Variants in RNF19A observed in about 807,000 individuals in gnomAD.
The protein encoded by RNF19A is E3 ubiquitin-protein ligase RNF19A.
Under a neutral mutation model 75.7 loss-of-function variants are expected in RNF19A, and 32 were observed. That is an observed-to-expected ratio of 0.42 (90% CI 0.32 to 0.57). The LOEUF (loss-of-function observed/expected upper bound fraction) is 0.57, where lower values mean the gene tolerates loss of function less well. RNF19A is among the 20% of genes least tolerant of loss of function. RNF19A has a pLI of 0.10. For missense variants in RNF19A, 782 were observed against 1,036.3 expected (o/e 0.75, Z 3.37); for synonymous variants, 335 against 345.2 (o/e 0.97, Z 0.33).
intron 3 of RNF19A, 39 bp from the exon 4 acceptor site, chr8:100,270,052 C>T: frequency 1.4e-6 from 2 of 1,459,946 alleles, no homozygotes; most frequent in Non-Finnish European, 9.1e-7. Flanking sequence ...GTACATAAAA[C>T]TGGTCTAAAA....
rs916883856 is a variant in RNF19A, at chr8:100,329,900, A to C, written c.-243+6208T>G. 1.3e-5 allele frequency among the ~76,000 whole-genome samples: 2 copies of C among 152,260 alleles called. No individual in the cohort carries two copies. The highest frequency in any genetic ancestry group is 4.8e-5 in the African/African-American group (2 of 41,466). ...AAATATTTTCTCATGTATCCCATAC[A>C]TTTGCACAAATGAAAAATTTAAATA... On this transcript the variant is annotated intron_variant, in intron 1 of 3. Transcript: ENST00000519527. The surrounding 1 kb of genome is among the most constrained non-coding windows in gnomAD (Gnocchi z 4.3).
At chr8:100,326,310 C>G (rs1822532947) in intron 1 of RNF19A, among the ~76,000 whole-genome samples, 1 of 152,084 alleles carries the variant, frequency 6.6e-6, no homozygotes, top group South Asian at 2.1e-4. Flanking sequence ...AGTTTAGCAA[C>G]CTCATTATTC....
intron 3 of RNF19A, among the ~76,000 whole-genome samples, chr8:100,273,507 C>T (rs144216080): frequency 2.3e-4 from 35 of 152,260 alleles, no homozygotes; most frequent in Non-Finnish European, 4.4e-4. Flanking sequence ...TCCAGGGAAG[C>T]ACTGCTGAAA....
intron 7 of RNF19A, among the ~76,000 whole-genome samples, chr8:100,262,856 C>T (rs942344268): frequency 6.6e-6 from 1 of 151,978 alleles, no homozygotes; most frequent in Non-Finnish European, 1.5e-5. Flanking sequence ...AAGGAAGCAG[C>T]AGAATTTGCT....
intron 1 of RNF19A, among the ~76,000 whole-genome samples, chr8:100,300,904 A>G (rs1309383426): frequency 6.6e-6 from 1 of 152,158 alleles, no homozygotes; most frequent in East Asian, 1.9e-4. Flanking sequence ...ACACAGACAA[A>G]AAAACTAGTC....
Position 100,304,982 on chromosome 8 carries a change from C to CTGGA in RNF19A, c.-94+4881_-94+4884dup, listed in dbSNP as rs558356672. On this transcript the variant is annotated intron_variant, in intron 1 of 9. Transcript: ENST00000341084. ...ATGGTGTCTTGCTCTGTTGCTCAGG[C>CTGGA]TGGAGTACAGTGGCACAATCTCAGC... is the stretch of plus-strand genomic sequence containing the variant. Among the ~76,000 whole-genome samples, 489 of 152,334 alleles carry CTGGA rather than the reference C, an allele frequency of 3.2e-3. 6 individuals are homozygous for CTGGA. Among genetic ancestry groups the CTGGA allele is most frequent in the Admixed American group, 0.019 (290 of 15,290 alleles).
rs952503791 is a variant in RNF19A, at chr8:100,275,597, C to G, written c.675-436G>C. 6.6e-6 allele frequency among the ~76,000 whole-genome samples: 1 copy of G among 151,696 alleles called. No homozygotes were observed. Among genetic ancestry groups the G allele is most frequent in the Non-Finnish European group, 1.5e-5 (1 of 67,946 alleles). On this transcript the variant is annotated intron_variant, in intron 2 of 9. Transcript: ENST00000341084. This position sits in a 1 kb window ranked among gnomAD's most constrained non-coding sequence, Gnocchi z 4.3. ...GATACCAAATTGCATTTAGCCTAAT[C>G]TCAATTTTATAAAAAACCATATTAA...
intron 7 of RNF19A, among the ~76,000 whole-genome samples, chr8:100,263,004 C>G (rs1819796550): frequency 6.6e-6 from 1 of 152,060 alleles, no homozygotes; most frequent in Non-Finnish European, 1.5e-5. Flanking sequence ...GATTTTAGAG[C>G]CAAGAATTTG....
At position 100,258,668 on chromosome 8, in the gene RNF19A, T is replaced by C. The variant is rs567250945; in HGVS notation, c.2405A>G (p.Asn802Ser). Reference protein sequence around the residue: ...LNHIAEEHGNNGIKPNVDLYF... With the variant: ...LNHIAEEHGNSGIKPNVDLYF... ...TAAATCAACATTAGGTTTTATTCCA[T>C]TGTTACCATGTTCTTCAGCAATATG... The change falls in exon 10 of 10, where the codon AAT becomes AGT. Residue 802 changes from asparagine to serine, a missense_variant. Asn to Ser is a conservative substitution (Grantham distance 46). Coordinates refer to ENST00000341084, the MANE Select transcript of RNF19A (RefSeq NM_183419.4). This position sits in a 1 kb window ranked among gnomAD's most constrained non-coding sequence, Gnocchi z 4.3. The C allele has an allele frequency of 2.4e-5, 38 of 1,614,194 alleles. No homozygotes were observed. The highest frequency in any genetic ancestry group is 1.2e-4 in the Admixed American group (7 of 60,028).
Position 100,260,864 on chromosome 8 carries a change from G to C in RNF19A, c.1682+678C>G, listed in dbSNP as rs181984795. ...ACCCTAGCCGATTATCCCGGTCCCA[G>C]TTCACACATTCCTGGATGTCCTGAC... On this transcript the variant is annotated intron_variant, in intron 8 of 9. Transcript: ENST00000341084. The surrounding 1 kb of genome is among the most constrained non-coding windows in gnomAD (Gnocchi z 4.1). 1.2e-3 allele frequency among the ~76,000 whole-genome samples: 180 copies of C among 152,278 alleles called. 1 individual carries two copies. Among genetic ancestry groups the C allele is most frequent in the African/African-American group, 4.0e-3 (167 of 41,554 alleles).
chr8:100,314,899 C>T (rs1341957626), upstream of RNF19A, among the ~76,000 whole-genome samples: 2 of 152,172 alleles, frequency 1.3e-5, no homozygotes, highest in Admixed American at 1.3e-4. The surrounding 1 kb of genome is among the most constrained non-coding windows in gnomAD (Gnocchi z 4.1). Context: ...GAAGCAGGCA[C>T]AGAAGCTTAG....
chr8:100,295,381 G>A (rs1821507587), intron 1 of RNF19A, among the ~76,000 whole-genome samples: 1 of 151,948 alleles, frequency 6.6e-6, no homozygotes, highest in South Asian at 2.1e-4. Context: ...GACAATTTAA[G>A]TTGCACAAAA....
At position 100,324,837 on chromosome 8, in the gene RNF19A, TCCTC is replaced by T. The variant is rs539809030; in HGVS notation, c.-243+11267_-243+11270del. 9.1e-4 allele frequency among the ~76,000 whole-genome samples: 138 copies of T among 151,692 alleles called. No individual in the cohort carries two copies. The highest frequency in any genetic ancestry group is 1.6e-3 in the Non-Finnish European group (111 of 67,830). On this transcript the variant is annotated intron_variant, in intron 1 of 3. Transcript: ENST00000519527. This position sits in a 1 kb window ranked among gnomAD's most constrained non-coding sequence, Gnocchi z 4.2. ...CCTTCCTTCCTTCCTTCCTCCTTCT[TCCTC>T]CCTCCCTCCCTCCTTCCTTTCTCTC... is the stretch of plus-strand genomic sequence containing the variant.
intron 1 of RNF19A, among the ~76,000 whole-genome samples, chr8:100,299,169 T>C (rs1212819008): frequency 2.0e-5 from 3 of 152,234 alleles, no homozygotes; most frequent in Non-Finnish European, 4.4e-5. Context: ...TGAATTTTAA[T>C]TTCCATATTC....
rs1254256055 is a variant in RNF19A, at chr8:100,323,904, G to A, written c.-242-10532C>T. 2.0e-5 allele frequency among the ~76,000 whole-genome samples: 3 copies of A among 152,108 alleles called. No individual in the cohort carries two copies. The highest frequency in any genetic ancestry group is 4.4e-5 in the Non-Finnish European group (3 of 68,014). ...TCCTGTCAACGATCAAAGAAAGTAA[G>A]ATTTTTAAATGGTTGGATAACTCAG... On this transcript the variant is annotated intron_variant, in intron 1 of 3. Transcript: ENST00000519527. The surrounding 1 kb of genome is among the most constrained non-coding windows in gnomAD (Gnocchi z 4.6).
In RNF19A at chr8:100,260,307, T is replaced by C. The variant is rs975526853; in HGVS notation, c.1683-310A>G. On this transcript the variant is annotated intron_variant, in intron 8 of 9. Coordinates refer to ENST00000341084, the MANE Select transcript of RNF19A (RefSeq NM_183419.4). The surrounding 1 kb of genome is among the most constrained non-coding windows in gnomAD (Gnocchi z 4.1). ...TCAGCATATGGCACTTTGTAATGTTTCAATGCAAAACACAAAGTTAGAATA... is the reference window on the plus strand; with the variant it reads ...TCAGCATATGGCACTTTGTAATGTTCCAATGCAAAACACAAAGTTAGAATA... 1.3e-5 allele frequency among the ~76,000 whole-genome samples: 2 copies of C among 152,168 alleles called. No individual in the cohort carries two copies. The highest frequency in any genetic ancestry group is 2.9e-5 in the Non-Finnish European group (2 of 68,014).
chr8:100,306,103 A>T (rs925177835), intron 1 of RNF19A, among the ~76,000 whole-genome samples: 1 of 152,134 alleles, frequency 6.6e-6, no homozygotes, highest in African/African-American at 2.4e-5. Context: ...CCTGCTATTC[A>T]AATCATAAGG....
At chr8:100,292,546 C>T (rs536390901) in intron 1 of RNF19A, among the ~76,000 whole-genome samples, 1 of 151,984 alleles carries the variant, frequency 6.6e-6, no homozygotes, top group African/African-American at 2.4e-5. Flanking sequence ...CTCAAATTCA[C>T]ATATCTTTCT....
At chr8:100,295,652 T>G (rs887312715) in intron 1 of RNF19A, among the ~76,000 whole-genome samples, 5 of 152,222 alleles carry the variant, frequency 3.3e-5, no homozygotes, top group Non-Finnish European at 7.3e-5. Context: ...TATGGCTATG[T>G]ACAATTTAAT....
Sources: gnomAD v4.1 joint callset for allele counts (sites outside exome capture counted in the v4.1 genomes callset) on GRCh38, gnomAD v4.1.1 for gene constraint, Gnocchi (gnomAD v3.1) non-coding constraint, MANE v1.5 for transcripts, NCBI Gene and HGNC (gene_info 2026-07-23, HGNC 2026-07-21) for gene names.